ADAM23: variants seen among roughly 807,000 people sequenced by gnomAD.
ADAM23 encodes the protein disintegrin and metalloproteinase domain-containing protein 23.
A neutral mutation model predicts 120.1 loss-of-function variants in ADAM23; 33 were observed. The observed-to-expected ratio is 0.27, with a 90% CI of 0.21 to 0.37. ADAM23 has a LOEUF of 0.37. Among genes scored for constraint, ADAM23 ranks in the 10% least tolerant of loss-of-function variants. ADAM23 has a pLI of 1.00. For synonymous variants in ADAM23, 367 were observed against 375.2 expected, an observed-to-expected ratio of 0.98 and a Z score of 0.25; for missense variants, 862 against 1,058.2, an observed-to-expected ratio of 0.81 and a Z score of 2.57.
intron 4 of ADAM23, among the ~76,000 whole-genome samples, chr2:206,536,207 A>G (rs766649978): frequency 5.3e-5 from 8 of 151,788 alleles, no homozygotes; most frequent in Non-Finnish European, 8.8e-5. Flanking sequence ...GCCGAATGCT[A>G]TTCCATTGCG....
intron 3 of ADAM23, among the ~76,000 whole-genome samples, chr2:206,497,159 A>G (rs1574497779): frequency 1.3e-5 from 2 of 152,368 alleles, no homozygotes; most frequent in South Asian, 4.1e-4. Flanking sequence ...TTATGAGGCC[A>G]GCATCATCCT....
In ADAM23 at chr2:206,443,599, C is replaced by T. The variant is rs998615642; in HGVS notation, c.-268C>T. 5.4e-5 allele frequency: 8 copies of T among 148,426 alleles called. No homozygotes were observed. The highest frequency in any genetic ancestry group is 1.7e-4 in the African/African-American group (7 of 41,092). The allele number at this position is 148,426 out of a possible 1,614,324, so 9.2% of individuals were successfully genotyped here. On this transcript the variant is annotated 5_prime_UTR_variant, in exon 1 of 26. Coordinates refer to ENST00000264377, the MANE Select transcript of ADAM23 (RefSeq NM_003812.4). ...CGCGCCCGCCGGGGGAGGGAGTAGCCGCTGGGGAGGCTCCAAGTTGGCGGA... is the reference window on the plus strand; with the variant it reads ...CGCGCCCGCCGGGGGAGGGAGTAGCTGCTGGGGAGGCTCCAAGTTGGCGGA...
chr2:206,548,842 C>G (rs1454919414), intron 8 of ADAM23, among the ~76,000 whole-genome samples: 1 of 152,004 alleles, frequency 6.6e-6, no homozygotes, highest in Admixed American at 6.6e-5. Context: ...ATGTGTTTTT[C>G]AGAACACAAT....
chr2:206,499,401 C>T (rs1273620928), intron 3 of ADAM23, among the ~76,000 whole-genome samples: 1 of 147,768 alleles, frequency 6.8e-6, no homozygotes, highest in East Asian at 2.0e-4. Flanking sequence ...GGACAAAAAA[C>T]CAAACACTGC....
chr2:206,554,059 G>A (rs1353666674), intron 9 of ADAM23, among the ~76,000 whole-genome samples: 1 of 152,032 alleles, frequency 6.6e-6, no homozygotes, highest in African/African-American at 2.4e-5. Context: ...AATGGTGATT[G>A]CATATTTTTC....
rs1698989047 is a variant in ADAM23 at position 206,618,962 on chromosome 2, T to A, written c.*1335T>A. ...CTTAAAGCCTTAAATAAAAAAATTTTTTTAAATGTTAAAAGCTTGGAAAAA... is the reference window on the plus strand; with the variant it reads ...CTTAAAGCCTTAAATAAAAAAATTTATTTAAATGTTAAAAGCTTGGAAAAA... On this transcript the variant is annotated 3_prime_UTR_variant, in exon 26 of 26. Transcript: ENST00000264377. 1 of 152,212 alleles carries A rather than the reference T, an allele frequency of 6.6e-6. No individual in the cohort carries two copies. The highest frequency in any genetic ancestry group is 1.5e-5 in the Non-Finnish European group (1 of 68,040). The allele number at this position is 152,212 out of a possible 1,614,324, so 9.4% of individuals were successfully genotyped here. A position where few individuals can be genotyped will look rare whatever the true frequency, so the allele number is the denominator to read the frequency against.
chr2:206,474,341 A>T (rs1695729418), intron 2 of ADAM23, among the ~76,000 whole-genome samples: 1 of 152,196 alleles, frequency 6.6e-6, no homozygotes, highest in South Asian at 2.1e-4. Context: ...AAAGCATAAT[A>T]CATAATGGTA....
chr2:206,597,060 G>T (rs1442487725), intron 24 of ADAM23, among the ~76,000 whole-genome samples: 1 of 151,340 alleles, frequency 6.6e-6, no homozygotes, highest in African/African-American at 2.4e-5. Context: ...GAGACAAGGT[G>T]TCACTATGTT....
rs572788306 is a variant in ADAM23, at chr2:206,583,748, A to G, written c.1738-3577A>G. 5.9e-5 allele frequency among the ~76,000 whole-genome samples: 9 copies of G among 152,044 alleles called. No homozygotes were observed. In the South Asian group the frequency reaches 6.2e-4, roughly 11 times the overall value. Reference sequence around the variant, plus strand: ...TCTTTAAGTTACTATTTCCATGAATATTTCTCCCTTCTTCCATCATTTTTT... The same window carrying G: ...TCTTTAAGTTACTATTTCCATGAATGTTTCTCCCTTCTTCCATCATTTTTT... On this transcript the variant is annotated intron_variant, in intron 18 of 25. Transcript: ENST00000264377.
intron 3 of ADAM23, among the ~76,000 whole-genome samples, chr2:206,518,801 C>A (rs1454426434): frequency 1.3e-5 from 2 of 152,152 alleles, no homozygotes; most frequent in Non-Finnish European, 2.9e-5. Context: ...CAGCTCTTTA[C>A]AGCATATAGG....
rs1044119694 is a variant in ADAM23, at chr2:206,543,699, T to C, written c.720+383T>C. Among the ~76,000 whole-genome samples the C allele has an allele frequency of 7.9e-5, 12 of 152,186 alleles. No homozygotes were observed. The East Asian group carries it at 1.5e-3, about 20-fold the overall frequency. On this transcript the variant is annotated intron_variant, in intron 6 of 25. Transcript: ENST00000264377. ...AGCACAATTTGCAATTGCAGAAATATGGAACCAGCCTAAATGTCCATCAAT... is the reference window on the plus strand; with the variant it reads ...AGCACAATTTGCAATTGCAGAAATACGGAACCAGCCTAAATGTCCATCAAT...
intron 2 of ADAM23, among the ~76,000 whole-genome samples, chr2:206,478,468 T>G (rs1695828984): frequency 6.6e-6 from 1 of 152,088 alleles, no homozygotes; most frequent in Non-Finnish European, 1.5e-5. Flanking sequence ...TTGCTTCAGT[T>G]CTGGAGAGTA....
intron 18 of ADAM23, among the ~76,000 whole-genome samples, chr2:206,582,670 A>G (rs746367040): frequency 2.6e-5 from 4 of 152,132 alleles, no homozygotes; most frequent in Non-Finnish European, 4.4e-5. Context: ...TTTATGCTTT[A>G]AAGAGGTTCT....
intron 9 of ADAM23, among the ~76,000 whole-genome samples, chr2:206,550,409 A>T (rs1001092096): frequency 4.0e-4 from 61 of 152,128 alleles, no homozygotes; most frequent in African/African-American, 1.4e-3. Context: ...TCTTCATTTA[A>T]AATTCTTATT....
rs1006476661 is a variant in ADAM23 at position 206,615,928 on chromosome 2, A to G, written c.2451-1651A>G. On this transcript the variant is annotated intron_variant, in intron 25 of 25. Coordinates refer to ENST00000264377, the MANE Select transcript of ADAM23 (RefSeq NM_003812.4). ...TTATCGGTCATTCCCGAATTTGAATAAAGGAATTTAGATGTGGGCAACATG... is the reference window on the plus strand; with the variant it reads ...TTATCGGTCATTCCCGAATTTGAATGAAGGAATTTAGATGTGGGCAACATG... 9.2e-5 allele frequency among the ~76,000 whole-genome samples: 14 copies of G among 152,340 alleles called. 1 individual carries two copies. The highest frequency in any genetic ancestry group is 3.4e-4 in the African/African-American group (14 of 41,562).
At chr2:206,571,665 A>C (rs2105831272) in intron 16 of ADAM23, 62 bp from the exon 17 acceptor site, 1 of 1,193,658 alleles carries the variant, frequency 8.4e-7, no homozygotes, top group East Asian at 2.3e-5. Context: ...CCACGTGTGG[A>C]GAGAATATGA....
chr2:206,508,695 G>A (rs1422459255), intron 3 of ADAM23, among the ~76,000 whole-genome samples: 1 of 150,982 alleles, frequency 6.6e-6, no homozygotes, highest in Non-Finnish European at 1.5e-5. Flanking sequence ...AGAAAGAAAA[G>A]GAAGGGGCTT....
At chr2:206,609,683 C>T in intron 24 of ADAM23, 1 of 468,568 alleles carries the variant, frequency 2.1e-6, no homozygotes, top group Non-Finnish European at 3.7e-6. Flanking sequence ...TTTAATGGAA[C>T]TTAATTGTCA....
chr2:206,460,791 T>A lies in ADAM23; in HGVS notation c.432+15267T>A, dbSNP rs1695401419. Among the ~76,000 whole-genome samples, 5 of 152,192 alleles carry A rather than the reference T, an allele frequency of 3.3e-5. No individual in the cohort carries two copies. In the South Asian group the frequency reaches 1.0e-3, roughly 31 times the overall value. On this transcript the variant is annotated intron_variant, in intron 2 of 25. Coordinates refer to ENST00000264377, the MANE Select transcript of ADAM23 (RefSeq NM_003812.4). ...TATTTTGTTGCCTGTGCATTTGGTG[T>A]TATATTCAAGAAATCATTGCCAAAT...
Sources: allele counts gnomAD v4.1 joint callset (sites outside exome capture counted in the v4.1 genomes callset), GRCh38; gene constraint gnomAD v4.1.1; transcripts MANE v1.5; gene names NCBI Gene and HGNC (gene_info 2026-07-23, HGNC 2026-07-21).